Variants in EXOC6B observed in about 807,000 individuals in gnomAD.
The protein encoded by EXOC6B is exocyst complex component 6B, also known as SEC15 homolog B.
EXOC6B carries 54 observed loss-of-function variants against 113.5 expected under a neutral mutation model. That is an observed-to-expected ratio of 0.48 (90% CI 0.38 to 0.60). The LOEUF is 0.60. EXOC6B is among the 20% of genes least tolerant of loss of function. EXOC6B has a pLI of 0.00. For missense variants in EXOC6B, 797 were observed against 977.5 expected (o/e 0.82, Z 2.46); for synonymous variants, 357 against 339.0 (o/e 1.05, Z -0.58).
At chr2:72,772,822 T>A (rs1334399376) in intron 1 of EXOC6B, among the ~76,000 whole-genome samples, 3 of 151,956 alleles carry the variant, frequency 2.0e-5, no homozygotes, top group African/African-American at 7.2e-5. Flanking sequence ...CTGGAAGAGG[T>A]ACCTACATCT....
chr2:72,661,672 C>G (rs1432587821), intron 6 of EXOC6B, among the ~76,000 whole-genome samples: 1 of 151,798 alleles, frequency 6.6e-6, no homozygotes, highest in Non-Finnish European at 1.5e-5. Context: ...AAAATCCCAG[C>G]AGGAATTTTT....
At chr2:72,288,028 G>T (rs191586431) in intron 20 of EXOC6B, among the ~76,000 whole-genome samples, 39 of 152,214 alleles carry the variant, frequency 2.6e-4, no homozygotes, top group South Asian at 1.0e-3. Context: ...CAAGGGACAT[G>T]AAATGGTACT....
At chr2:72,765,656 C>A (rs563937676) in intron 1 of EXOC6B, among the ~76,000 whole-genome samples, 72 of 152,020 alleles carry the variant, frequency 4.7e-4, no homozygotes, top group Non-Finnish European at 9.0e-4. Flanking sequence ...ATGGGTGACA[C>A]AGCAAGACTC....
chr2:72,513,153 G>A lies in EXOC6B; in HGVS notation c.1146C>T (p.Ile382=), dbSNP rs753817492. 7 of 1,613,216 alleles carry A rather than the reference G, an allele frequency of 4.3e-6. No individual in the cohort carries two copies. Among genetic ancestry groups the A allele is most frequent in the East Asian group, 2.2e-5 (1 of 44,848 alleles). The part of the protein sequence containing the change: ...ELWEMALSKT[I]AALRTHSSYC... ...ATACCGAGTGGGTACGGAGTGCTGC[G>A]ATGGTTTTTGAAAGTGCCATTTCCC... is the stretch of plus-strand genomic sequence containing the variant. The change falls in exon 11 of 22, where the codon ATC becomes ATT. Residue 382 remains isoleucine (I), a synonymous_variant. Coordinates refer to ENST00000272427, the MANE Select transcript of EXOC6B (RefSeq NM_015189.3).
intron 1 of EXOC6B, among the ~76,000 whole-genome samples, chr2:72,780,270 C>T (rs570351946): frequency 2.1e-4 from 32 of 152,204 alleles, no homozygotes; most frequent in African/African-American, 7.5e-4. Context: ...ACCTACAATA[C>T]AATGAATTTT....
chr2:72,181,472 T>C (rs1452332457), intron 21 of EXOC6B, among the ~76,000 whole-genome samples: 1 of 152,210 alleles, frequency 6.6e-6, no homozygotes, highest in Admixed American at 6.5e-5. Flanking sequence ...TAGTTTTAGA[T>C]AGTTCCAAAG....
At chr2:72,608,764 T>A (rs746597304) in intron 6 of EXOC6B, among the ~76,000 whole-genome samples, 11 of 151,674 alleles carry the variant, frequency 7.3e-5, no homozygotes, top group Non-Finnish European at 1.5e-4. Context: ...TGAAAAAAAA[T>A]TATTTAAAAA....
At chr2:72,542,363 T>C (rs2105793441) in intron 8 of EXOC6B, among the ~76,000 whole-genome samples, 1 of 152,294 alleles carries the variant, frequency 6.6e-6, no homozygotes, top group South Asian at 2.1e-4. Flanking sequence ...GAGCTTCTAG[T>C]CCAGTATTAA....
rs1686858705 is a variant in EXOC6B, at chr2:72,825,651, G to T, written c.113+147C>A. 6 of 1,022,366 alleles carry T rather than the reference G, an allele frequency of 5.9e-6. No individual in the cohort carries two copies. In the South Asian group the frequency reaches 9.5e-5, roughly 16 times the overall value. The allele number at this position is 1,022,366 out of a possible 1,614,324, so 63.3% of individuals were successfully genotyped here. On this transcript the variant is annotated intron_variant, in intron 1 of 21. Coordinates refer to ENST00000272427, the MANE Select transcript of EXOC6B (RefSeq NM_015189.3). The surrounding 1 kb of genome is among the most constrained non-coding windows in gnomAD (Gnocchi z 4.4). ...GGGACCCCGCGTCGGGGCTGCGAAG[G>T]GAGACCCGCCTCGCCCGGTATGCAG...
rs879881074 is a variant in EXOC6B at position 72,386,133 on chromosome 2, T to TA, written c.1981-6264dup. Among the ~76,000 whole-genome samples the TA allele has an allele frequency of 2.0e-4, 29 of 147,286 alleles. 1 individual carries two copies. Among genetic ancestry groups the TA allele is most frequent in the African/African-American group, 3.5e-4 (14 of 40,228 alleles). ...CCTATTGTCCATCAATGGATGAATG[T>TA]AAAAAAAAAATCTGCTATATATATA... is the stretch of plus-strand genomic sequence containing the variant. On this transcript the variant is annotated intron_variant, in intron 18 of 21. Coordinates refer to ENST00000272427, the MANE Select transcript of EXOC6B (RefSeq NM_015189.3).
chr2:72,374,939 A>AT (rs1302689595), intron 19 of EXOC6B, among the ~76,000 whole-genome samples: 2 of 152,022 alleles, frequency 1.3e-5, no homozygotes, highest in African/African-American at 2.4e-5. Context: ...ACAACTTCAT[A>AT]TTTTTTTAAA....
chr2:72,806,798 T>C (rs575264517), intron 1 of EXOC6B, among the ~76,000 whole-genome samples: 13 of 152,250 alleles, frequency 8.5e-5, no homozygotes, highest in Non-Finnish European at 1.9e-4. Flanking sequence ...TTGAGCTTTT[T>C]TTTTTCATAT....
At chr2:72,519,619 C>G (rs1193538922) in intron 8 of EXOC6B, among the ~76,000 whole-genome samples, 1 of 152,148 alleles carries the variant, frequency 6.6e-6, no homozygotes, top group Non-Finnish European at 1.5e-5. Context: ...GAAACTAAAC[C>G]TGTATTTCTC....
chr2:72,789,468 C>G (rs966230660), intron 1 of EXOC6B, among the ~76,000 whole-genome samples: 2 of 152,186 alleles, frequency 1.3e-5, no homozygotes, highest in African/African-American at 2.4e-5. Context: ...TTGACAACAA[C>G]TCTGAGTCAA....
chr2:72,440,920 A>T (rs1329706581), intron 18 of EXOC6B, among the ~76,000 whole-genome samples: 4 of 149,374 alleles, frequency 2.7e-5, no homozygotes, highest in Non-Finnish European at 6.0e-5. Context: ...AACAAAGATT[A>T]AAAAAAAAAG....
intron 6 of EXOC6B, among the ~76,000 whole-genome samples, chr2:72,621,852 C>T (rs1350406862): frequency 6.6e-6 from 1 of 152,024 alleles, no homozygotes; most frequent in East Asian, 1.9e-4. Context: ...AAGAGCTTGG[C>T]ATCCTGGAAA....
chr2:72,270,948 T>C (rs1357382353), intron 20 of EXOC6B, among the ~76,000 whole-genome samples: 1 of 152,196 alleles, frequency 6.6e-6, no homozygotes, highest in African/African-American at 2.4e-5. Flanking sequence ...TTGAATCTTC[T>C]TTGTGTGTAC....
intron 18 of EXOC6B, among the ~76,000 whole-genome samples, chr2:72,443,929 C>A (rs191452461): frequency 6.6e-6 from 1 of 152,256 alleles, no homozygotes; most frequent in African/African-American, 2.4e-5. Flanking sequence ...CATATCCTCA[C>A]ACTTCAAAAC....
At chr2:72,460,018 A>G (rs955783428) in intron 18 of EXOC6B, among the ~76,000 whole-genome samples, 28 of 152,104 alleles carry the variant, frequency 1.8e-4, no homozygotes, top group Non-Finnish European at 3.5e-4. Context: ...ATATAGATCA[A>G]TGGAACAGAA....
Sources: gnomAD v4.1 joint callset for allele counts (sites outside exome capture counted in the v4.1 genomes callset) on GRCh38, gnomAD v4.1.1 for gene constraint, Gnocchi (gnomAD v3.1) non-coding constraint, MANE v1.5 for transcripts, NCBI Gene and HGNC (gene_info 2026-07-23, HGNC 2026-07-21) for gene names.